Variants in PRKAG2 observed in about 807,000 individuals in gnomAD.
The protein encoded by PRKAG2 is protein kinase AMP-activated non-catalytic subunit gamma 2.
In PRKAG2, 26 loss-of-function variants were observed where a neutral mutation model predicts 69.6. The ratio of observed to expected loss-of-function variants is 0.37; its 90% confidence interval spans 0.27 to 0.52. PRKAG2 has a LOEUF of 0.52. Among genes scored for constraint, PRKAG2 ranks in the 20% least tolerant of loss-of-function variants. The pLI is 0.90. For synonymous variants in PRKAG2, 293 were observed against 285.0 expected, an observed-to-expected ratio of 1.03 and a Z score of -0.28; for missense variants, 557 against 740.0, an observed-to-expected ratio of 0.75 and a Z score of 2.87.
At chr7:151,652,258 C>T (rs1828654679) in intron 4 of PRKAG2, among the ~76,000 whole-genome samples, 1 of 151,988 alleles carries the variant, frequency 6.6e-6, no homozygotes, top group South Asian at 2.1e-4. Context: ...TCTTTTTTTC[C>T]AACCGCCTAT....
chr7:151,750,103 A>G (rs1367270542), intron 3 of PRKAG2, among the ~76,000 whole-genome samples: 1 of 151,770 alleles, frequency 6.6e-6, no homozygotes, highest in East Asian at 1.9e-4. Flanking sequence ...TCTCAAAAAA[A>G]AAAAAAAAAA....
At chr7:151,570,116 G>T in intron 10 of PRKAG2, 55 bp downstream of exon 10, 1 of 1,555,462 alleles carries the variant, frequency 6.4e-7, no homozygotes. Context: ...CTATCATGGT[G>T]ATAAAACACA....
chr7:151,771,419 C>G lies in PRKAG2; in HGVS notation c.466+9733G>C, dbSNP rs1236595556. 6.6e-6 allele frequency among the ~76,000 whole-genome samples: 1 copy of G among 152,212 alleles called. No individual in the cohort carries two copies. Among genetic ancestry groups the G allele is most frequent in the Non-Finnish European group, 1.5e-5 (1 of 68,034 alleles). ...AGGTGGGTGCTTAGGGATTATTCCA[C>G]TTCCTCCTTTCCTCCTGCACTCTGT... On this transcript the variant is annotated intron_variant, in intron 3 of 15. Transcript: ENST00000287878. The surrounding 1 kb of genome is among the most constrained non-coding windows in gnomAD (Gnocchi z 4.0).
intron 13 of PRKAG2, 175 bp from the exon 14 acceptor site, chr7:151,564,399 T>C: frequency 1.6e-6 from 1 of 633,452 alleles, no homozygotes; most frequent in South Asian, 1.8e-5. Context: ...TACTGTTATT[T>C]TGTCAACATA....
chr7:151,669,805 T>C (rs111293117), intron 4 of PRKAG2, among the ~76,000 whole-genome samples: 17 of 71,394 alleles, frequency 2.4e-4, no homozygotes, highest in South Asian at 1.8e-3. Context: ...TGCACACACT[T>C]GCACACACAC....
chr7:151,864,195 G>A (rs1487415957), intron 1 of PRKAG2, among the ~76,000 whole-genome samples: 2 of 152,192 alleles, frequency 1.3e-5, no homozygotes, highest in Non-Finnish European at 2.9e-5. Context: ...AAAGCCACAG[G>A]GCCGGCAGAT....
chr7:151,804,103 C>T (rs2077979769), intron 1 of PRKAG2, among the ~76,000 whole-genome samples: 1 of 152,154 alleles, frequency 6.6e-6, no homozygotes. Flanking sequence ...AATATGAAGG[C>T]TGTTCCCTGT....
chr7:151,739,668 G>A (rs186339908), intron 3 of PRKAG2, among the ~76,000 whole-genome samples: 73 of 151,750 alleles, frequency 4.8e-4, no homozygotes, highest in African/African-American at 1.7e-3. Flanking sequence ...CGGGGGTTTC[G>A]CCATGTTGCC....
intron 5 of PRKAG2, among the ~76,000 whole-genome samples, chr7:151,610,926 A>AC (rs769042720): frequency 3.3e-5 from 5 of 151,100 alleles, no homozygotes; most frequent in Non-Finnish European, 7.4e-5. Context: ...TAATTTTTGT[A>AC]CTTTTTTTGG....
intron 3 of PRKAG2, among the ~76,000 whole-genome samples, chr7:151,763,708 G>C (rs2075566002): frequency 1.3e-5 from 2 of 152,204 alleles, no homozygotes; most frequent in African/African-American, 4.8e-5. Flanking sequence ...TGCCTCCTTG[G>C]CCTCTTTCAT....
At chr7:151,846,234 G>T (rs552787865) in intron 1 of PRKAG2, among the ~76,000 whole-genome samples, 5 of 152,126 alleles carry the variant, frequency 3.3e-5, no homozygotes, top group African/African-American at 9.7e-5. Context: ...CAGCACTTTG[G>T]GGGTGGGCAG....
intron 3 of PRKAG2, among the ~76,000 whole-genome samples, chr7:151,765,992 T>C (rs1342724453): frequency 1.3e-5 from 2 of 152,196 alleles, no homozygotes; most frequent in South Asian, 2.1e-4. Flanking sequence ...CATCTGATAA[T>C]GGTTTTGAGT....
At chr7:151,642,332 GACT>G (rs1246380438) in intron 4 of PRKAG2, among the ~76,000 whole-genome samples, 22 of 152,088 alleles carry the variant, frequency 1.4e-4, no homozygotes, top group African/African-American at 5.1e-4. Context: ...GACAGAGCGA[GACT>G]CCATCTCAAA....
At chr7:151,820,949 C>A (rs1586666506) in intron 1 of PRKAG2, among the ~76,000 whole-genome samples, 3 of 2,520 alleles carry the variant, frequency 1.2e-3, no homozygotes, top group East Asian at 6.4e-3. Flanking sequence ...ATTCTTAGGA[C>A]CCCCCCCAGC....
At chr7:151,629,435 A>G (rs1463695655) in intron 5 of PRKAG2, among the ~76,000 whole-genome samples, 1 of 152,176 alleles carries the variant, frequency 6.6e-6, no homozygotes, top group African/African-American at 2.4e-5. Flanking sequence ...CACCTGTCGG[A>G]TATACGGACA....
intron 1 of PRKAG2, among the ~76,000 whole-genome samples, chr7:151,847,812 G>A (rs1237148500): frequency 6.6e-6 from 1 of 152,236 alleles, no homozygotes; most frequent in African/African-American, 2.4e-5. Context: ...ACCCTGTGAG[G>A]TTGGCGCCCG....
chr7:151,859,026 T>G (rs1449416260), intron 1 of PRKAG2, among the ~76,000 whole-genome samples: 1 of 152,162 alleles, frequency 6.6e-6, no homozygotes, highest in Non-Finnish European at 1.5e-5. Flanking sequence ...TTCAGAAACT[T>G]CTCAGATCAA....
intron 5 of PRKAG2, among the ~76,000 whole-genome samples, chr7:151,620,472 G>GT (rs1401500349): frequency 6.6e-6 from 1 of 151,020 alleles, no homozygotes; most frequent in Non-Finnish European, 1.5e-5. Context: ...AGATGGCTTT[G>GT]TTTTTTTGTT....
At chr7:151,615,477 G>C (rs1357621958) in intron 5 of PRKAG2, among the ~76,000 whole-genome samples, 3 of 152,306 alleles carry the variant, frequency 2.0e-5, no homozygotes, top group Non-Finnish European at 4.4e-5. Flanking sequence ...GATGACCTAG[G>C]AAATACCATT....
Sources: gnomAD v4.1 joint callset for allele counts (sites outside exome capture counted in the v4.1 genomes callset) on GRCh38, gnomAD v4.1.1 for gene constraint, Gnocchi (gnomAD v3.1) non-coding constraint, MANE v1.5 for transcripts, NCBI Gene and HGNC (gene_info 2026-07-23, HGNC 2026-07-21) for gene names.